MYO3B: variants seen among roughly 807,000 people sequenced by gnomAD.
MYO3B encodes the protein myosin IIIB.
Under a neutral mutation model 174.6 loss-of-function variants are expected in MYO3B, and 156 were observed. The ratio of observed to expected loss-of-function variants is 0.89; its 90% CI spans 0.78 to 1.02. The LOEUF (loss-of-function observed/expected upper bound fraction) is 1.02. Ranked by LOEUF, MYO3B falls within the 50% of genes least tolerant of loss-of-function variation. The pLI is 0.00. For synonymous variants in MYO3B, 563 were observed against 569.1 expected, an observed-to-expected ratio of 0.99 and a Z score of 0.15; for missense variants, 1,632 against 1,639.4, an observed-to-expected ratio of 1.00 and a Z score of 0.08.
intron 32 of MYO3B, among the ~76,000 whole-genome samples, chr2:170,547,333 A>G (rs1690580873): frequency 6.7e-6 from 1 of 149,714 alleles, no homozygotes; most frequent in African/African-American, 2.4e-5. Context: ...CTGTCTCAAA[A>G]AAAAAAAAAA....
chr2:170,208,613 G>A (rs573430950), intron 3 of MYO3B, among the ~76,000 whole-genome samples: 13 of 152,288 alleles, frequency 8.5e-5, no homozygotes, highest in Admixed American at 7.8e-4. Flanking sequence ...ACAGGAACAA[G>A]CAGGGTTAGT....
chr2:170,498,249 T>C (rs953372327), intron 25 of MYO3B, among the ~76,000 whole-genome samples: 3 of 152,204 alleles, frequency 2.0e-5, no homozygotes, highest in Non-Finnish European at 4.4e-5. Flanking sequence ...GTAGTAATAC[T>C]AATATTTAGG....
chr2:170,576,834 C>T (rs1374276378), intron 32 of MYO3B, among the ~76,000 whole-genome samples: 1 of 152,148 alleles, frequency 6.6e-6, no homozygotes, highest in Non-Finnish European at 1.5e-5. Context: ...AGCCTAGCCT[C>T]ATTCCTGAAG....
At chr2:170,314,785 T>C (rs914902502) in intron 7 of MYO3B, among the ~76,000 whole-genome samples, 1 of 152,178 alleles carries the variant, frequency 6.6e-6, no homozygotes, top group Non-Finnish European at 1.5e-5. Context: ...TGGGAAGTGT[T>C]GGAAGAAAAG....
At chr2:170,508,817 A>G (rs944097374) in intron 28 of MYO3B, among the ~76,000 whole-genome samples, 5 of 152,210 alleles carry the variant, frequency 3.3e-5, no homozygotes, top group African/African-American at 4.8e-5. Flanking sequence ...GTTTGGGGAA[A>G]AGTACTTAAC....
intron 7 of MYO3B, among the ~76,000 whole-genome samples, chr2:170,302,623 T>C (rs906971806): frequency 2.0e-5 from 3 of 152,198 alleles, no homozygotes; most frequent in African/African-American, 7.2e-5. Flanking sequence ...TCCAGTTCGT[T>C]CCAGTAAAAG....
intron 32 of MYO3B, among the ~76,000 whole-genome samples, chr2:170,648,278 G>A (rs969545727): frequency 6.6e-6 from 1 of 152,190 alleles, no homozygotes; most frequent in African/African-American, 2.4e-5. Context: ...GGATGAAAAT[G>A]TCTGTTAAGG....
At chr2:170,594,370 G>C (rs1050198531) in intron 32 of MYO3B, among the ~76,000 whole-genome samples, 1 of 152,160 alleles carries the variant, frequency 6.6e-6, no homozygotes, top group Non-Finnish European at 1.5e-5. Flanking sequence ...ATGAGGAGAG[G>C]AGAGACTCTA....
chr2:170,381,877 T>G (rs1256187654), intron 9 of MYO3B, 139 bp from the exon 10 acceptor site: 1 of 629,968 alleles, frequency 1.6e-6, no homozygotes, highest in East Asian at 2.8e-5. Flanking sequence ...CCTGGGGACC[T>G]GGACTGGACT....
chr2:170,512,864 C>T (rs181324255), intron 28 of MYO3B, among the ~76,000 whole-genome samples: 8 of 152,308 alleles, frequency 5.3e-5, no homozygotes, highest in Admixed American at 2.0e-4. Flanking sequence ...TGCCAGTCTA[C>T]AGCTGTGTGA....
intron 32 of MYO3B, among the ~76,000 whole-genome samples, chr2:170,555,901 A>T (rs1441573774): frequency 6.6e-6 from 1 of 150,934 alleles, no homozygotes; most frequent in Admixed American, 6.6e-5. Context: ...TGCATTTAAG[A>T]TTCCTCCATG....
chr2:170,274,306 T>C (rs993433019), intron 7 of MYO3B, among the ~76,000 whole-genome samples: 2 of 152,200 alleles, frequency 1.3e-5, no homozygotes, highest in Admixed American at 6.5e-5. Flanking sequence ...TTGAGGCCTG[T>C]CTGAATGTAA....
At chr2:170,370,870 T>TGTCCA (rs1056572360) in intron 9 of MYO3B, among the ~76,000 whole-genome samples, 1 of 152,056 alleles carries the variant, frequency 6.6e-6, no homozygotes, top group African/African-American at 2.4e-5. Flanking sequence ...TGACTTTGCC[T>TGTCCA]GTCCAGATCT....
chr2:170,253,602 G>T (rs2105335156), intron 7 of MYO3B, among the ~76,000 whole-genome samples: 1 of 152,216 alleles, frequency 6.6e-6, no homozygotes, highest in African/African-American at 2.4e-5. Context: ...GAATTTACCT[G>T]GGCAGTGGGT....
At chr2:170,318,263 C>A (rs1442490691) in intron 7 of MYO3B, among the ~76,000 whole-genome samples, 1 of 152,176 alleles carries the variant, frequency 6.6e-6, no homozygotes, top group Non-Finnish European at 1.5e-5. Flanking sequence ...TTAGATTGAC[C>A]AAATGGGACT....
In MYO3B at chr2:170,206,407, T is replaced by C. The variant is rs182334818; in HGVS notation, c.321+6123T>C. Among the ~76,000 whole-genome samples the C allele has an allele frequency of 1.3e-5, 2 of 152,338 alleles. No homozygotes were observed. The highest frequency in any genetic ancestry group is 1.9e-4 in the East Asian group (1 of 5,192). On this transcript the variant is annotated intron_variant, in intron 3 of 34. Transcript: ENST00000408978. The surrounding 1 kb of genome is among the most constrained non-coding windows in gnomAD (Gnocchi z 4.3). ...CTATAATTACTCGTATGTCCATTAC[T>C]GGGCAGTGACCTCTTTGAGGCTAGA...
chr2:170,589,158 A>G (rs1693669980), intron 32 of MYO3B, among the ~76,000 whole-genome samples: 1 of 152,224 alleles, frequency 6.6e-6, no homozygotes, highest in South Asian at 2.1e-4. Flanking sequence ...GTTTAGCAGA[A>G]GTTTTGCAGA....
intron 32 of MYO3B, among the ~76,000 whole-genome samples, chr2:170,619,420 C>T (rs371769155): frequency 9.9e-5 from 15 of 152,182 alleles, no homozygotes; most frequent in South Asian, 2.1e-4. Context: ...TCTTTTATTC[C>T]GTAGCAATAG....
intron 9 of MYO3B, among the ~76,000 whole-genome samples, chr2:170,373,501 A>G (rs1034013799): frequency 1.3e-5 from 2 of 152,336 alleles, no homozygotes; most frequent in African/African-American, 4.8e-5. Context: ...AAAGGTAAGG[A>G]ACGTTCAGTC....
Sources: allele counts gnomAD v4.1 joint callset (sites outside exome capture counted in the v4.1 genomes callset), GRCh38; gene constraint gnomAD v4.1.1; non-coding constraint Gnocchi (gnomAD v3.1); transcripts MANE v1.5; gene names NCBI Gene and HGNC (gene_info 2026-07-23, HGNC 2026-07-21).